The following IL1RAPL1 variants were observed in gnomAD, a reference collection of about 807,000 sequenced individuals.
IL1RAPL1 encodes interleukin 1 receptor accessory protein like 1.
In IL1RAPL1, 3 loss-of-function variants were observed where a neutral mutation model predicts 48.4. The observed-to-expected ratio is 0.06, with a 90% CI of 0.03 to 0.16. The LOEUF (loss-of-function observed/expected upper bound fraction) is 0.16, where lower values mean the gene tolerates loss of function less well. Ranked by LOEUF, IL1RAPL1 falls within the 10% of genes least tolerant of loss-of-function variation. The pLI, the probability that IL1RAPL1 is intolerant of heterozygous loss-of-function variation, is 1.00. For synonymous variants in IL1RAPL1, 185 were observed against 187.7 expected, an observed-to-expected ratio of 0.99 and a Z score of 0.12; for missense variants, 349 against 530.6, an observed-to-expected ratio of 0.66 and a Z score of 3.36.
chrX:28,944,403 G>C (rs1029741918), intron 2 of IL1RAPL1, among the ~76,000 whole-genome samples: 1 of 110,544 alleles, frequency 9.0e-6, no homozygotes, highest in Admixed American at 9.7e-5. Flanking sequence ...TTTATGAACC[G>C]ATCTCATATC....
At chrX:29,317,838 A>G (rs1488819902) in intron 3 of IL1RAPL1, among the ~76,000 whole-genome samples, 2 of 112,138 alleles carry the variant, frequency 1.8e-5, no homozygotes, top group Non-Finnish European at 3.8e-5. Flanking sequence ...TTTCTTTCCC[A>G]TATATTCTCT....
At chrX:29,870,935 T>C (rs1931787494) in intron 6 of IL1RAPL1, among the ~76,000 whole-genome samples, 1 of 112,396 alleles carries the variant, frequency 8.9e-6, no homozygotes, top group South Asian at 3.7e-4. Context: ...CAACACAAAG[T>C]TCTCGTCTTA....
At chrX:29,622,416 T>C (rs768236069) in intron 5 of IL1RAPL1, among the ~76,000 whole-genome samples, 2 of 112,549 alleles carry the variant, frequency 1.8e-5, no homozygotes, top group South Asian at 7.3e-4. Flanking sequence ...ACCAGACATA[T>C]ATTTAATATA....
chrX:29,895,244 T>C (rs1424022737), intron 6 of IL1RAPL1, among the ~76,000 whole-genome samples: 1 of 111,690 alleles, frequency 9.0e-6, no homozygotes, highest in Non-Finnish European at 1.9e-5. Flanking sequence ...TTTCACATAA[T>C]TTAAATAAGA....
At position 29,479,414 on chromosome X, in the gene IL1RAPL1, C is replaced by CAAAAAAAAAAAAAAAAAAAAAAA. The variant is rs3069570; in HGVS notation, c.703+80123_703+80124insAAAAAAAAAAAAAAAAAAAAAAA. 1.8e-3 allele frequency among the ~76,000 whole-genome samples: 77 copies of CAAAAAAAAAAAAAAAAAAAAAAA among 42,428 alleles called. 7 individuals carry two copies. The highest frequency in any genetic ancestry group is 3.0e-3 in the East Asian group (3 of 988). 36.8% of individuals were successfully genotyped at this position (42,428 alleles called of 115,157 possible). A position where few individuals can be genotyped will look rare whatever the true frequency, so the allele number is the denominator to read the frequency against. Reference sequence around the variant, plus strand: ...TGGGTGACAGAGCGAGACCCTGTCTCAAAAAAAAAAAAAAAAATTAGCATT... The same window carrying CAAAAAAAAAAAAAAAAAAAAAAA: ...TGGGTGACAGAGCGAGACCCTGTCTCAAAAAAAAAAAAAAAAAAAAAAAAAAAAAAAAAAAAAAAATTAGCATT... On this transcript the variant is annotated intron_variant, in intron 5 of 10. Coordinates refer to ENST00000378993, the MANE Select transcript of IL1RAPL1 (RefSeq NM_014271.4).
chrX:29,131,270 G>A (rs917756293), intron 2 of IL1RAPL1, among the ~76,000 whole-genome samples: 1 of 84,918 alleles, frequency 1.2e-5, no homozygotes, highest in African/African-American at 3.6e-5. Flanking sequence ...GCCTGTGTGT[G>A]TGTGTATATA....
At chrX:29,051,684 C>T in intron 2 of IL1RAPL1, among the ~76,000 whole-genome samples, 1 of 111,603 alleles carries the variant, frequency 9.0e-6, no homozygotes, top group Non-Finnish European at 1.9e-5. Context: ...GTTAAGTTAC[C>T]TGGTTGTAAT....
intron 2 of IL1RAPL1, among the ~76,000 whole-genome samples, chrX:29,208,746 A>G (rs1468916248): frequency 9.3e-6 from 1 of 107,963 alleles, no homozygotes; most frequent in South Asian, 4.0e-4. Context: ...AAATAAATAA[A>G]TAAATAAAAG....
At chrX:28,990,079 C>T (rs1050353021) in intron 2 of IL1RAPL1, among the ~76,000 whole-genome samples, 2 of 110,760 alleles carry the variant, frequency 1.8e-5, no homozygotes, top group Non-Finnish European at 3.8e-5. Context: ...ACTATAGTAA[C>T]CAAGCAAAAA....
At chrX:28,785,008 C>T (rs948358423) in intron 1 of IL1RAPL1, among the ~76,000 whole-genome samples, 1 of 111,900 alleles carries the variant, frequency 8.9e-6, no homozygotes, top group Non-Finnish European at 1.9e-5. Context: ...TTTTGAAAAA[C>T]ATTCAAAAAC....
intron 2 of IL1RAPL1, among the ~76,000 whole-genome samples, chrX:29,095,043 T>C (rs1398636597): frequency 9.1e-6 from 1 of 110,053 alleles, no homozygotes; most frequent in East Asian, 2.8e-4. Context: ...GTCCTTTCTC[T>C]TTTTGGATTA....
At chrX:29,061,189 T>C (rs1366856498) in intron 2 of IL1RAPL1, among the ~76,000 whole-genome samples, 1 of 111,905 alleles carries the variant, frequency 8.9e-6, no homozygotes, top group Non-Finnish European at 1.9e-5. Context: ...TATTTAATAC[T>C]AACTAAACAT....
At chrX:28,944,356 A>T (rs1924240640) in intron 2 of IL1RAPL1, among the ~76,000 whole-genome samples, 1 of 110,470 alleles carries the variant, frequency 9.1e-6, no homozygotes, top group Non-Finnish European at 1.9e-5. Flanking sequence ...TAAATTTTCT[A>T]AGAAAATCGC....
rs896575699 is a variant in IL1RAPL1, at chrX:28,769,056, C to T, written c.-24-20264C>T. 3.7e-5 allele frequency among the ~76,000 whole-genome samples: 4 copies of T among 107,129 alleles called. No individual in the cohort carries two copies. The East Asian group carries it at 1.2e-3, about 31-fold the overall frequency. 93.0% of individuals were successfully genotyped at this position (107,129 alleles called of 115,157 possible). A position where few individuals can be genotyped will look rare whatever the true frequency, so the allele number is the denominator to read the frequency against. ...ATGAGTTCGAGTGTGAAGTGAAATA[C>T]CACAAAGATGAATTATTTTAGACCT... is the stretch of plus-strand genomic sequence containing the variant. On this transcript the variant is annotated intron_variant, in intron 1 of 10. Coordinates refer to ENST00000378993, the MANE Select transcript of IL1RAPL1 (RefSeq NM_014271.4).
chrX:29,351,243 C>A (rs183268338), intron 3 of IL1RAPL1, among the ~76,000 whole-genome samples: 12 of 112,038 alleles, frequency 1.1e-4, no homozygotes, highest in African/African-American at 3.9e-4. Flanking sequence ...TGAGATGACA[C>A]TTGGTTTATT....
intron 2 of IL1RAPL1, among the ~76,000 whole-genome samples, chrX:28,824,127 C>T (rs778230870): frequency 1.7e-4 from 19 of 111,229 alleles, no homozygotes; most frequent in African/African-American, 4.9e-4. Flanking sequence ...TTATTCCAAT[C>T]GATTCTTACT....
chrX:29,370,744 TA>T (rs1176527449), intron 3 of IL1RAPL1, among the ~76,000 whole-genome samples: 3 of 110,923 alleles, frequency 2.7e-5, no homozygotes, highest in Non-Finnish European at 5.7e-5. Flanking sequence ...AAATATTCAT[TA>T]AAATATATAA....
At chrX:29,391,808 A>G (rs1933857573) in intron 3 of IL1RAPL1, among the ~76,000 whole-genome samples, 1 of 111,767 alleles carries the variant, frequency 8.9e-6, no homozygotes, top group Non-Finnish European at 1.9e-5. Context: ...TGCCTCCCCT[A>G]GCTTATAGAA....
intron 2 of IL1RAPL1, among the ~76,000 whole-genome samples, chrX:28,827,958 G>C (rs1295927627): frequency 9.0e-6 from 1 of 111,670 alleles, no homozygotes; most frequent in African/African-American, 3.2e-5. Flanking sequence ...TTTTGCAAAT[G>C]TCTTGAAAGT....
Sources: gnomAD v4.1 joint callset for allele counts (sites outside exome capture counted in the v4.1 genomes callset) on GRCh38, gnomAD v4.1.1 for gene constraint, MANE v1.5 for transcripts, NCBI Gene and HGNC (gene_info 2026-07-23, HGNC 2026-07-21) for gene names.